PTPRD: variants seen among roughly 807,000 people sequenced by gnomAD.
The protein encoded by PTPRD is receptor-type tyrosine-protein phosphatase delta.
Under a neutral mutation model 214.5 loss-of-function variants are expected in PTPRD, and 34 were observed. The ratio of observed to expected loss-of-function variants is 0.16; its 90% CI spans 0.12 to 0.21. The LOEUF is 0.21. Ranked by LOEUF, PTPRD falls within the 10% of genes least tolerant of loss-of-function variation. The pLI, the probability that PTPRD is intolerant of heterozygous loss-of-function variation, is 1.00. For missense variants in PTPRD, 2,545 were observed against 2,398.7 expected (o/e 1.06, Z -1.27); for synonymous variants, 1,128 against 845.7 (o/e 1.33, Z -5.79).
intron 8 of PTPRD, among the ~76,000 whole-genome samples, chr9:9,473,504 G>A (rs991747172): frequency 6.6e-6 from 1 of 152,092 alleles, no homozygotes; most frequent in Admixed American, 6.5e-5. Context: ...GAGATTGCTG[G>A]AGTGCATGGT....
At chr9:9,383,299 A>G (rs1278371067) in intron 9 of PTPRD, among the ~76,000 whole-genome samples, 1 of 152,164 alleles carries the variant, frequency 6.6e-6, no homozygotes, top group Non-Finnish European at 1.5e-5. Context: ...TGCTTTAAAC[A>G]TATTAAACAT....
At chr9:9,439,902 C>T (rs761461814) in intron 8 of PTPRD, among the ~76,000 whole-genome samples, 1 of 152,150 alleles carries the variant, frequency 6.6e-6, no homozygotes, top group Non-Finnish European at 1.5e-5. Flanking sequence ...CAGTGTCTTG[C>T]AGCTGGGAAG....
intron 43 of PTPRD, among the ~76,000 whole-genome samples, chr9:8,335,288 T>C (rs1392738469): frequency 6.6e-6 from 1 of 151,634 alleles, no homozygotes; most frequent in Non-Finnish European, 1.5e-5. Context: ...AAAAAGCTTA[T>C]CCACCACGAT....
chr9:8,673,348 C>G (rs2097327893), intron 12 of PTPRD, among the ~76,000 whole-genome samples: 2 of 152,202 alleles, frequency 1.3e-5, no homozygotes, highest in African/African-American at 4.8e-5. Flanking sequence ...TTGGCTCCAT[C>G]TGCCTAATTA....
rs7865681 is a variant in PTPRD, at chr9:8,471,046, G to C, written c.3453C>G (p.Arg1151=). 2 of 1,613,304 alleles carry C rather than the reference G, an allele frequency of 1.2e-6. No individual in the cohort carries two copies. The highest frequency in any genetic ancestry group is 1.7e-5 in the Admixed American group (1 of 59,960). ...TCTCCCATGGCTTGATAAATTTCCC[G>C]CGAGATTTCTTCAAAGGCACAATTA... ...YIIIVPLKKS[R]GKFIKPWESP... The change falls in exon 31 of 46, where the codon CGC becomes CGG. Residue 1151 remains arginine, a synonymous_variant. Coordinates refer to ENST00000381196, the MANE Select transcript of PTPRD (RefSeq NM_002839.4).
chr9:8,328,407 C>T (rs1180744634), intron 44 of PTPRD, among the ~76,000 whole-genome samples: 2 of 152,156 alleles, frequency 1.3e-5, no homozygotes, highest in African/African-American at 4.8e-5. Flanking sequence ...GATGTGCTTC[C>T]CTTTGTGGGC....
chr9:10,488,158 G>C (rs1304514208), intron 2 of PTPRD, among the ~76,000 whole-genome samples: 1 of 151,868 alleles, frequency 6.6e-6, no homozygotes, highest in African/African-American at 2.4e-5. Context: ...ACAAGGTCAG[G>C]AGATCGAGAC....
intron 35 of PTPRD, among the ~76,000 whole-genome samples, chr9:8,434,447 C>T (rs562532872): frequency 1.5e-4 from 23 of 152,224 alleles, no homozygotes; most frequent in Admixed American, 3.9e-4. Flanking sequence ...CTATACTCCA[C>T]GATGTTTACA....
rs78399619 is a variant in PTPRD at position 8,560,498 on chromosome 9, G to C, written c.353-31719C>G. On this transcript the variant is annotated intron_variant, in intron 14 of 45. Transcript: ENST00000381196. ...ATATATACACTGTTTCATTGTCAAGGCTCTTTCATATTAAGAGTAATCAAC... is the reference window on the plus strand; with the variant it reads ...ATATATACACTGTTTCATTGTCAAGCCTCTTTCATATTAAGAGTAATCAAC... Among the ~76,000 whole-genome samples, 26 of 149,566 alleles carry C rather than the reference G, an allele frequency of 1.7e-4. No homozygotes were observed. The East Asian group carries it at 5.1e-3, about 29-fold the overall frequency.
At chr9:8,922,937 A>G (rs1298191920) in intron 11 of PTPRD, among the ~76,000 whole-genome samples, 1 of 151,650 alleles carries the variant, frequency 6.6e-6, no homozygotes, top group Non-Finnish European at 1.5e-5. Flanking sequence ...TGTTGGGATT[A>G]CAGTCATGAG....
chr9:9,044,322 A>T (rs1212575442), intron 10 of PTPRD, among the ~76,000 whole-genome samples: 2 of 152,238 alleles, frequency 1.3e-5, no homozygotes, highest in African/African-American at 4.8e-5. Flanking sequence ...ACACATATAC[A>T]CATATTTGCT....
Position 8,427,598 on chromosome 9 carries a change from A to T in PTPRD, c.4086+8994T>A, listed in dbSNP as rs147286196. On this transcript the variant is annotated intron_variant, in intron 35 of 45. Coordinates refer to ENST00000381196, the MANE Select transcript of PTPRD (RefSeq NM_002839.4). ...TGACTGGAGAGTAAGAAAGGGCAAC[A>T]TAACAAGTGATAATTGCACTGGTTT... Among the ~76,000 whole-genome samples, 539 of 152,250 alleles carry T rather than the reference A, an allele frequency of 3.5e-3. 1 individual carries two copies. Among genetic ancestry groups the T allele is most frequent in the African/African-American group, 0.012 (516 of 41,544 alleles).
intron 7 of PTPRD, among the ~76,000 whole-genome samples, chr9:9,642,171 A>C (rs1190160325): frequency 2.9e-4 from 40 of 136,644 alleles, no homozygotes; most frequent in African/African-American, 8.6e-4. Flanking sequence ...AAGAACAAAA[A>C]ACCAAACACC....
At chr9:9,355,183 G>C (rs1243354746) in intron 9 of PTPRD, among the ~76,000 whole-genome samples, 2 of 151,564 alleles carry the variant, frequency 1.3e-5, no homozygotes, top group South Asian at 4.2e-4. Context: ...ATCTTCAAAA[G>C]GTTTTTGGGT....
At chr9:8,458,624 G>C (rs948939008) in intron 33 of PTPRD, among the ~76,000 whole-genome samples, 5 of 152,082 alleles carry the variant, frequency 3.3e-5, no homozygotes, top group African/African-American at 1.2e-4. Context: ...GCAGCGTACA[G>C]ACAGCAAAGG....
chr9:9,219,327 G>T (rs1029658121), intron 9 of PTPRD, among the ~76,000 whole-genome samples: 2 of 151,834 alleles, frequency 1.3e-5, no homozygotes, highest in Non-Finnish European at 2.9e-5. Flanking sequence ...TAAAAAATAG[G>T]ATTATATTTC....
chr9:8,714,976 G>T (rs1348560393), intron 12 of PTPRD, among the ~76,000 whole-genome samples: 1 of 151,126 alleles, frequency 6.6e-6, no homozygotes, highest in Non-Finnish European at 1.5e-5. Flanking sequence ...GGTCACTGTT[G>T]TATCTCAAAA....
At chr9:8,531,777 A>C (rs2075763926) in intron 14 of PTPRD, among the ~76,000 whole-genome samples, 1 of 152,124 alleles carries the variant, frequency 6.6e-6, no homozygotes, top group African/African-American at 2.4e-5. Flanking sequence ...AGTGCTGATC[A>C]GTGGCAAGTG....
At chr9:9,010,071 A>G (rs2099502253) in intron 11 of PTPRD, among the ~76,000 whole-genome samples, 1 of 152,188 alleles carries the variant, frequency 6.6e-6, no homozygotes, top group South Asian at 2.1e-4. Context: ...GGAAACTACA[A>G]TTGTGAATGG....
Sources: allele counts gnomAD v4.1 joint callset (sites outside exome capture counted in the v4.1 genomes callset), GRCh38; gene constraint gnomAD v4.1.1; transcripts MANE v1.5; gene names NCBI Gene and HGNC (gene_info 2026-07-23, HGNC 2026-07-21).